Variants in SMARCC1 observed in about 807,000 individuals in gnomAD.
SMARCC1 encodes the protein SWI/SNF complex subunit SMARCC1.
A neutral mutation model predicts 147.4 loss-of-function variants in SMARCC1; 43 were observed. That is an observed-to-expected ratio of 0.29 (90% confidence interval 0.23 to 0.38). SMARCC1 has a LOEUF of 0.38. Among genes scored for constraint, SMARCC1 ranks in the 10% least tolerant of loss-of-function variants. The pLI is 1.00. For synonymous variants in SMARCC1, 495 were observed against 484.4 expected (o/e 1.02, Z -0.29); for missense variants, 1,119 against 1,381.1 (o/e 0.81, Z 3.01).
chr3:47,774,585 T>C (rs1224454285), intron 1 of SMARCC1, among the ~76,000 whole-genome samples: 1 of 151,804 alleles, frequency 6.6e-6, no homozygotes, highest in Non-Finnish European at 1.5e-5. Flanking sequence ...TCCCGGCTAA[T>C]TTTTTGTATT....
intron 27 of SMARCC1, among the ~76,000 whole-genome samples, chr3:47,589,408 T>C (rs2032139872): frequency 2.6e-5 from 4 of 152,114 alleles, no homozygotes; most frequent in Non-Finnish European, 5.9e-5. Flanking sequence ...AGTGGTAAAT[T>C]GGTAAAGACC....
At chr3:47,757,006 T>C (rs929369467) in intron 2 of SMARCC1, among the ~76,000 whole-genome samples, 1 of 152,042 alleles carries the variant, frequency 6.6e-6, no homozygotes, top group African/African-American at 2.4e-5. Context: ...ATCCCAGCAC[T>C]TTGGGACGCC....
intron 11 of SMARCC1, among the ~76,000 whole-genome samples, chr3:47,696,549 T>C (rs1336234644): frequency 2.6e-5 from 4 of 151,580 alleles, no homozygotes; most frequent in East Asian, 3.9e-4. Flanking sequence ...AAACAGAGCT[T>C]CACTCATCGC....
In SMARCC1 at chr3:47,686,142, T is replaced by C. The variant is rs754922515; in HGVS notation, c.1292A>G (p.Gln431Arg). 6 of 1,611,792 alleles carry C rather than the reference T, an allele frequency of 3.7e-6. No individual in the cohort carries two copies. In the African/African-American group the frequency reaches 5.3e-5, roughly 14 times the overall value. Residue 431 changes from glutamine (Q) to arginine (R), a missense_variant, in exon 14 of 28, where the codon CAG becomes CGG. By Grantham distance (43) the Gln-to-Arg change is conservative. Around this residue, in one of 6 missense-constraint regions of SMARCC1, gnomAD observed 542 missense variants for 611.8 expected, o/e 0.89. Transcript: ENST00000254480. ...KEDEDPAKGDQSRSVDLGEDN... is the reference protein window; with the variant it reads ...KEDEDPAKGDRSRSVDLGEDN... ...TTCCCCAAGGTCAACTGATCGACTCTGATCACCTTTGGCAGGATCTTCATC... is the reference window on the plus strand; with the variant it reads ...TTCCCCAAGGTCAACTGATCGACTCCGATCACCTTTGGCAGGATCTTCATC...
intron 7 of SMARCC1, among the ~76,000 whole-genome samples, chr3:47,719,487 G>A (rs2106808534): frequency 6.6e-6 from 1 of 152,028 alleles, no homozygotes; most frequent in East Asian, 2.0e-4. Context: ...GATCACCTGA[G>A]GTCAGGAGTG....
At chr3:47,733,763 C>G (rs2034404910) in intron 5 of SMARCC1, among the ~76,000 whole-genome samples, 1 of 150,000 alleles carries the variant, frequency 6.7e-6, no homozygotes, top group African/African-American at 2.5e-5. Flanking sequence ...ACTCGGGAGG[C>G]TGAGGCAAGA....
chr3:47,715,400 C>T (rs1238865795), intron 7 of SMARCC1, among the ~76,000 whole-genome samples: 4 of 152,132 alleles, frequency 2.6e-5, no homozygotes, highest in African/African-American at 7.2e-5. Flanking sequence ...TCCTGCTGTT[C>T]GCCAAAATCC....
intron 25 of SMARCC1, among the ~76,000 whole-genome samples, chr3:47,614,802 A>G (rs775565546): frequency 1.2e-4 from 19 of 152,242 alleles, no homozygotes; most frequent in Non-Finnish European, 2.5e-4. Flanking sequence ...AGATCACTTC[A>G]GTCCTCAACT....
chr3:47,709,667 C>G (rs758248728), intron 9 of SMARCC1, among the ~76,000 whole-genome samples: 1 of 152,044 alleles, frequency 6.6e-6, no homozygotes, highest in Non-Finnish European at 1.5e-5. Flanking sequence ...GCCTGGGCAA[C>G]AGAGTGAGAA....
intron 21 of SMARCC1, among the ~76,000 whole-genome samples, chr3:47,660,013 A>G (rs1194362677): frequency 2.0e-5 from 3 of 152,214 alleles, no homozygotes; most frequent in Admixed American, 1.3e-4. Flanking sequence ...GCAGTTTCTC[A>G]AAAAGGTAAA....
intron 22 of SMARCC1, 42 bp downstream of exon 22, chr3:47,638,683 G>A (rs891060647): frequency 1.4e-6 from 2 of 1,476,776 alleles, no homozygotes; most frequent in Non-Finnish European, 1.9e-6. Context: ...ATTATGGTCT[G>A]AAAGGCATGC....
At chr3:47,669,279 C>T (rs969196641) in intron 19 of SMARCC1, among the ~76,000 whole-genome samples, 1 of 152,098 alleles carries the variant, frequency 6.6e-6, no homozygotes, top group Admixed American at 6.5e-5. Flanking sequence ...CTTTTACTAC[C>T]TACTAATCTT....
At chr3:47,696,084 G>C (rs1266238553) in intron 11 of SMARCC1, among the ~76,000 whole-genome samples, 4 of 145,954 alleles carry the variant, frequency 2.7e-5, no homozygotes, top group Admixed American at 1.4e-4. Context: ...AAAAGGGGGG[G>C]GGGGGGCCAG....
intron 26 of SMARCC1, among the ~76,000 whole-genome samples, chr3:47,595,435 G>A (rs1264069360): frequency 6.6e-6 from 1 of 151,996 alleles, no homozygotes; most frequent in Non-Finnish European, 1.5e-5. Context: ...GCTGAGGCAG[G>A]AGAATCGCTT....
At chr3:47,684,100 C>T (rs1264706485) in intron 14 of SMARCC1, among the ~76,000 whole-genome samples, 6 of 152,100 alleles carry the variant, frequency 3.9e-5, no homozygotes, top group East Asian at 2.0e-4. Flanking sequence ...ATTAGCCGGG[C>T]GTAGTGGCGG....
chr3:47,757,673 A>T (rs2034716996), intron 2 of SMARCC1, among the ~76,000 whole-genome samples: 1 of 151,500 alleles, frequency 6.6e-6, no homozygotes, highest in Admixed American at 6.6e-5. Flanking sequence ...AGTCCCAGCT[A>T]CTCGGGAGGC....
intron 14 of SMARCC1, among the ~76,000 whole-genome samples, chr3:47,683,397 G>A (rs2033679579): frequency 6.6e-6 from 1 of 152,232 alleles, no homozygotes; most frequent in African/African-American, 2.4e-5. Context: ...TTGAGCCACA[G>A]AATGATGTCA....
intron 2 of SMARCC1, among the ~76,000 whole-genome samples, chr3:47,769,304 C>T (rs565946905): frequency 6.7e-6 from 1 of 149,086 alleles, no homozygotes; most frequent in Non-Finnish European, 1.5e-5. Flanking sequence ...ATCATGAGGT[C>T]AGGAGTTCAA....
At chr3:47,754,452 C>T (rs775964139) in intron 2 of SMARCC1, among the ~76,000 whole-genome samples, 2 of 152,078 alleles carry the variant, frequency 1.3e-5, no homozygotes, top group Non-Finnish European at 2.9e-5. Context: ...CCACCAGCCT[C>T]GGCCTCCCAA....
Sources: allele counts gnomAD v4.1 joint callset (sites outside exome capture counted in the v4.1 genomes callset), GRCh38; gene constraint gnomAD v4.1.1; regional missense constraint gnomAD v4.1.1; transcripts MANE v1.5; gene names NCBI Gene and HGNC (gene_info 2026-07-23, HGNC 2026-07-21).